The following UNKL variants were observed in gnomAD, a reference collection of about 807,000 sequenced individuals.
UNKL encodes putative E3 ubiquitin-protein ligase UNKL.
Under a neutral mutation model 78.0 loss-of-function variants are expected in UNKL, and 60 were observed. The observed-to-expected ratio is 0.77, with a 90% CI of 0.63 to 0.95. UNKL has a LOEUF of 0.95. Ranked by LOEUF, UNKL falls within the 40% of genes least tolerant of loss-of-function variation. The probability of loss-of-function intolerance (pLI) is 0.00; values close to 1 mark genes in which losing one functional copy is unlikely to be tolerated. For synonymous variants in UNKL, 608 were observed against 474.8 expected (o/e 1.28, Z -3.65); for missense variants, 1,159 against 1,045.7 (o/e 1.11, Z -1.49).
intron 10 of UNKL, among the ~76,000 whole-genome samples, chr16:1,379,908 G>A (rs1024609872): frequency 3.3e-5 from 5 of 152,200 alleles, no homozygotes; most frequent in African/African-American, 7.2e-5. Flanking sequence ...CTGCCCCGCT[G>A]CCCGGCTCCT....
At chr16:1,400,774 AC>A (rs1026682067) in intron 4 of UNKL, among the ~76,000 whole-genome samples, 25 of 151,218 alleles carry the variant, frequency 1.7e-4, no homozygotes, top group Non-Finnish European at 3.5e-4. Context: ...TGCAACCTTC[AC>A]CCCCCGAGTT....
intron 3 of UNKL, among the ~76,000 whole-genome samples, chr16:1,402,932 C>T (rs1312599971): frequency 6.6e-6 from 1 of 152,072 alleles, no homozygotes; most frequent in Admixed American, 6.6e-5. Flanking sequence ...GCAGGGCTTG[C>T]AGTGAGCTGA....
At chr16:1,379,624 G>A (rs1204400804) in intron 10 of UNKL, 3 of 984,826 alleles carry the variant, frequency 3.0e-6, no homozygotes, top group African/African-American at 3.5e-5. Flanking sequence ...ACGCGCTGGG[G>A]CCGCCGCCAA....
Position 1,367,728 on chromosome 16 carries a change from C to T in UNKL, c.1716G>A (p.Arg572=). ...TGGCCTCGTCCAGCTGCCGCCTGAC[C>T]CGGGCCAGCTCAGCTCCGTTTGGAC... is the stretch of plus-strand genomic sequence containing the variant. ...SASPNGAELA[R]VRRQLDEAKR... is the part of the protein sequence containing the mutation. Residue 572 remains arginine (R), a synonymous_variant, in exon 13 of 15, where the codon CGG becomes CGA. Coordinates refer to ENST00000389221, the MANE Select transcript of UNKL (RefSeq NM_001372107.1). 2 of 1,579,772 alleles carry T rather than the reference C, an allele frequency of 1.3e-6. No homozygotes were observed. Among genetic ancestry groups the T allele is most frequent in the South Asian group, 1.2e-5 (1 of 85,762 alleles).
In UNKL at chr16:1,364,501, A is replaced by T. The variant is rs1392774959; in HGVS notation, c.*1739T>A. 1 of 152,236 alleles carries T rather than the reference A, an allele frequency of 6.6e-6. No homozygotes were observed. Among genetic ancestry groups the T allele is most frequent in the Non-Finnish European group, 1.5e-5 (1 of 68,042 alleles). 9.4% of individuals were successfully genotyped at this position (152,236 alleles called of 1,614,324 possible). A position where few individuals can be genotyped will look rare whatever the true frequency, so the allele number is the denominator to read the frequency against. ...GCCCGCGGAGAGCCAGGTCGCCGTA[A>T]ACCACAGATGCCTGTTCCTGCTCAA... is the stretch of plus-strand genomic sequence containing the variant. On this transcript the variant is annotated 3_prime_UTR_variant, in exon 15 of 15. Transcript: ENST00000389221.
At chr16:1,398,058 C>T (rs542042813) in intron 5 of UNKL, among the ~76,000 whole-genome samples, 36 of 152,350 alleles carry the variant, frequency 2.4e-4, no homozygotes, top group African/African-American at 7.2e-4. Context: ...ACGTGGAGAA[C>T]GCAGGGGAGA....
chr16:1,402,941 G>C (rs199577072), intron 3 of UNKL, among the ~76,000 whole-genome samples: 1 of 149,792 alleles, frequency 6.7e-6, no homozygotes, highest in Non-Finnish European at 1.5e-5. Context: ...GCAGTGAGCT[G>C]AGATCGCGCC....
At chr16:1,366,942 G>C (rs939425673) in intron 14 of UNKL, 150 bp downstream of exon 14, 20 of 1,396,384 alleles carry the variant, frequency 1.4e-5, no homozygotes, top group African/African-American at 1.5e-5. Context: ...GGCTGTGCTG[G>C]GGTGGGGCAC....
intron 9 of UNKL, among the ~76,000 whole-genome samples, chr16:1,390,176 TG>T: frequency 6.6e-6 from 1 of 152,226 alleles, no homozygotes. Flanking sequence ...TTAGTACAGA[TG>T]GGGTTTCACC....
Position 1,403,139 on chromosome 16 carries a change from C to A in UNKL, c.464+29G>T, listed in dbSNP as rs1477935743. On this transcript the variant is annotated intron_variant, in intron 3 of 14. Coordinates refer to ENST00000389221, the MANE Select transcript of UNKL (RefSeq NM_001372107.1). This position sits in a 1 kb window ranked among gnomAD's most constrained non-coding sequence, Gnocchi z 4.8. ...GCAGAGCCCACAGCAGCAGGCAGGC[C>A]AAGTGCCCACTCGTGGATGCCCACT... is the stretch of plus-strand genomic sequence containing the variant. 1 of 1,592,096 alleles carries A rather than the reference C, an allele frequency of 6.3e-7. No individual in the cohort carries two copies. The highest frequency in any genetic ancestry group is 8.6e-7 in the Non-Finnish European group (1 of 1,168,866).
chr16:1,401,522 T>TGGGCGGG, intron 4 of UNKL, 46 bp downstream of exon 4: 1 of 1,467,600 alleles, frequency 6.8e-7, no homozygotes, highest in Non-Finnish European at 9.1e-7. Context: ...TCTCGCGCTG[T>TGGGCGGG]GCCCGCCCCC....
At position 1,365,509 on chromosome 16, in the gene UNKL, A is replaced by ACATCAGCCC. The variant is rs1354628449; in HGVS notation, c.*722_*730dup. On this transcript the variant is annotated 3_prime_UTR_variant, in exon 15 of 15. Coordinates refer to ENST00000389221, the MANE Select transcript of UNKL (RefSeq NM_001372107.1). ...CCTGCTCCCACGCCACGAGGCTGGAACATCAGCCCCAGTGCCTGGTGCACA... is the reference window on the plus strand; with the variant it reads ...CCTGCTCCCACGCCACGAGGCTGGAACATCAGCCCCATCAGCCCCAGTGCCTGGTGCACA... 6.6e-6 allele frequency: 1 copy of ACATCAGCCC among 152,550 alleles called. No individual in the cohort carries two copies. The highest frequency in any genetic ancestry group is 2.4e-5 in the African/African-American group (1 of 41,476). The allele number at this position is 152,550 out of a possible 1,614,324, so 9.4% of individuals were successfully genotyped here.
At chr16:1,383,624 C>T (rs1228272414) in intron 10 of UNKL, 1 of 411,942 alleles carries the variant, frequency 2.4e-6, no homozygotes, top group Admixed American at 2.6e-5. Context: ...CCGGCATCGT[C>T]TAGGAGTTGC....
At chr16:1,381,772 C>T (rs1233242842) in intron 10 of UNKL, among the ~76,000 whole-genome samples, 1 of 152,136 alleles carries the variant, frequency 6.6e-6, no homozygotes, top group African/African-American at 2.4e-5. Flanking sequence ...TGATAGTGAT[C>T]TCAAATTAAA....
chr16:1,390,628 G>C lies in UNKL; in HGVS notation c.1086+4C>G. The C allele has an allele frequency of 6.5e-7, 1 of 1,536,024 alleles. No homozygotes were observed. The highest frequency in any genetic ancestry group is 2.0e-5 in the Admixed American group (1 of 50,990). ...CGAGGGTGGGAAACCTTGGGGGCCT[G>C]TACCTGCTTGCTGTCTTGCTCGCTG... On this transcript the variant is annotated splice_donor_region_variant and intron_variant, in intron 9 of 14. Transcript: ENST00000389221.
chr16:1,371,602 A>G lies in UNKL; in HGVS notation c.1274T>C (p.Leu425Ser), dbSNP rs1162678558. ...ATTCACATTGCTAAGATGCAGGTCT[A>G]ACGCAGAACCTGTCAACAGAGCCCC... Reference protein sequence around the residue: ...STVEAVLGSALDLHLSNVNIA... With the variant: ...STVEAVLGSASDLHLSNVNIA... The change falls in exon 11 of 15, where the codon TTA becomes TCA. Residue 425 changes from leucine to serine, a missense_variant. Leu to Ser is a moderately radical substitution (Grantham distance 145, BLOSUM62 -2). Transcript: ENST00000389221. The G allele has an allele frequency of 3.3e-6, 5 of 1,536,050 alleles. No individual in the cohort carries two copies. The highest frequency in any genetic ancestry group is 4.4e-6 in the Non-Finnish European group (5 of 1,146,908).
rs955306853 is a variant in UNKL at position 1,399,498 on chromosome 16, C to T, written c.610G>A (p.Val204Met). The T allele has an allele frequency of 5.0e-6, 8 of 1,597,456 alleles. No homozygotes were observed. The highest frequency in any genetic ancestry group is 2.3e-5 in the East Asian group (1 of 43,790). ...EDPRWQDANF[V>M]LGSYKTEQCP... ...TGCTCCGTCTTGTAGCTGCCCAGCA[C>T]GAAGTTGGCATCTGAAAAATGGGCC... The change falls in exon 5 of 15, where the codon GTG becomes ATG. Residue 204 changes from valine (V) to methionine (M), a missense_variant. Coordinates refer to ENST00000389221, the MANE Select transcript of UNKL (RefSeq NM_001372107.1). The surrounding 1 kb of genome is among the most constrained non-coding windows in gnomAD (Gnocchi z 5.8).
intron 10 of UNKL, chr16:1,379,544 C>T: frequency 1.0e-6 from 1 of 984,990 alleles, no homozygotes; most frequent in Non-Finnish European, 1.2e-6. Flanking sequence ...TGGCGGGGGG[C>T]GCACCTAAGG....
In UNKL at chr16:1,370,377, C is replaced by A; in HGVS notation, c.1358-20G>T. 1 of 1,530,660 alleles carries A rather than the reference C, an allele frequency of 6.5e-7. No homozygotes were observed. The highest frequency in any genetic ancestry group is 8.7e-7 in the Non-Finnish European group (1 of 1,145,546). The allele number at this position is 1,530,660 out of a possible 1,614,324, so 94.8% of individuals were successfully genotyped here. ...TGGGACCTGGCGGGGGCGGACCAGTCAGCGAAGGGAGTACCGCCAGGCCTC... is the reference window on the plus strand; with the variant it reads ...TGGGACCTGGCGGGGGCGGACCAGTAAGCGAAGGGAGTACCGCCAGGCCTC... On this transcript the variant is annotated intron_variant, in intron 11 of 14. Coordinates refer to ENST00000389221, the MANE Select transcript of UNKL (RefSeq NM_001372107.1).
Sources: allele counts gnomAD v4.1 joint callset (sites outside exome capture counted in the v4.1 genomes callset), GRCh38; gene constraint gnomAD v4.1.1; non-coding constraint Gnocchi (gnomAD v3.1); transcripts MANE v1.5; gene names NCBI Gene and HGNC (gene_info 2026-07-23, HGNC 2026-07-21).